The following TOP3A variants were observed in gnomAD, a reference collection of about 807,000 sequenced individuals.
TOP3A encodes the protein DNA topoisomerase III alpha.
TOP3A carries 64 observed loss-of-function variants against 111.3 expected under a neutral mutation model. That is an observed-to-expected ratio of 0.57 (90% CI 0.47 to 0.71). The LOEUF (loss-of-function observed/expected upper bound fraction) is 0.71, where lower values mean the gene tolerates loss of function less well. Ranked by LOEUF, TOP3A falls within the 30% of genes least tolerant of loss-of-function variation. TOP3A has a pLI of 0.00. For synonymous variants in TOP3A, 484 were observed against 485.1 expected, an observed-to-expected ratio of 1.00 and a Z score of 0.03; for missense variants, 1,104 against 1,285.0, an observed-to-expected ratio of 0.86 and a Z score of 2.15.
At chr17:18,306,534 A>ATT (rs575474218) in intron 4 of TOP3A, 95 of 163,762 alleles carry the variant, frequency 5.8e-4, no homozygotes, top group South Asian at 1.4e-3. Flanking sequence ...GCCTGGTTAA[A>ATT]TTTTTTTTTT....
intron 13 of TOP3A, among the ~76,000 whole-genome samples, chr17:18,286,345 TAC>T (rs1456239059): frequency 3.4e-5 from 2 of 58,068 alleles, no homozygotes; most frequent in Admixed American, 3.8e-4. Flanking sequence ...CTACTAAAAA[TAC>T]AAAAAAAAAA....
chr17:18,280,409 G>T, intron 17 of TOP3A, 127 bp downstream of exon 17: 1 of 1,101,490 alleles, frequency 9.1e-7, no homozygotes, highest in Non-Finnish European at 1.3e-6. Flanking sequence ...GGCTGCTGCA[G>T]AACACAGCTA....
Position 18,271,930 on chromosome 17 carries a change from G to A in TOP3A, c.*2872C>T. On this transcript the variant is annotated 3_prime_UTR_variant, in exon 19 of 19. Coordinates refer to ENST00000321105, the MANE Select transcript of TOP3A (RefSeq NM_004618.5). ...ATACTAAACAAATTAGCTGGGTGTGGAGGCAGATGCCTGTAATTCCAGCTA... is the reference window on the plus strand; with the variant it reads ...ATACTAAACAAATTAGCTGGGTGTGAAGGCAGATGCCTGTAATTCCAGCTA... The A allele has an allele frequency of 6.6e-6, 2 of 301,926 alleles. No individual in the cohort carries two copies. The highest frequency in any genetic ancestry group is 4.8e-5 in the South Asian group (2 of 41,448). 18.7% of individuals were successfully genotyped at this position (301,926 alleles called of 1,614,324 possible).
In TOP3A at chr17:18,282,773, G is replaced by A; in HGVS notation, c.1946C>T (p.Pro649Leu). The change falls in exon 16 of 19, where the codon CCA (proline) becomes CTA (leucine). Residue 649 changes from proline to leucine, a missense_variant. Physicochemically the swap from Pro to Leu is moderately conservative, Grantham distance 98. Transcript: ENST00000321105. The part of the protein sequence containing the change: ...TELAQQEDIY[P>L]AMPEPIRKCP... ...CTTCCTGATGGGCTCTGGCATGGCT[G>A]GGTAGATATCTTCTTGCTGGGCCAA... The A allele has an allele frequency of 6.2e-7, 1 of 1,614,194 alleles. No homozygotes were observed. The highest frequency in any genetic ancestry group is 8.5e-7 in the Non-Finnish European group (1 of 1,180,042).
At chr17:18,305,484 A>ACGCGCGCGCGCG (rs780995241) in intron 4 of TOP3A, among the ~76,000 whole-genome samples, 32 of 147,882 alleles carry the variant, frequency 2.2e-4, no homozygotes, top group Non-Finnish European at 4.0e-4. Context: ...TAACACACAC[A>ACGCGCGCGCGCG]CACGCGCGCG....
intron 9 of TOP3A, among the ~76,000 whole-genome samples, chr17:18,299,265 A>G (rs984038015): frequency 6.6e-6 from 1 of 152,136 alleles, no homozygotes; most frequent in African/African-American, 2.4e-5. Context: ...ATCTCTACCA[A>G]AAAATTTTAA....
intron 18 of TOP3A, among the ~76,000 whole-genome samples, chr17:18,276,060 T>C (rs1258129522): frequency 6.6e-6 from 1 of 152,220 alleles, no homozygotes; most frequent in Non-Finnish European, 1.5e-5. Context: ...CTGCCTTATG[T>C]TACCTGACAC....
intron 10 of TOP3A, among the ~76,000 whole-genome samples, chr17:18,293,396 C>A (rs1387775270): frequency 6.6e-6 from 1 of 151,132 alleles, no homozygotes; most frequent in African/African-American, 2.4e-5. Context: ...AGTGATCCTC[C>A]TGCCTCAGCC....
Position 18,305,152 on chromosome 17 carries a change from G to C in TOP3A, c.459C>G (p.Gly153=). ...LVIWTDCDRE[G]ENIGFEIIHV... Reference sequence around the variant, plus strand: ...GGATAATCTCAAACCCGATGTTTTCGCCTTCTCTATCACAGTCAGTCCAGA... The same window carrying C: ...GGATAATCTCAAACCCGATGTTTTCCCCTTCTCTATCACAGTCAGTCCAGA... Residue 153 remains glycine, a synonymous_variant, in exon 5 of 19, where the codon GGC becomes GGG. Transcript: ENST00000321105. 3 of 1,614,082 alleles carry C rather than the reference G, an allele frequency of 1.9e-6. No homozygotes were observed. In the South Asian group the frequency reaches 3.3e-5, roughly 18 times the overall value.
rs777296235 is a variant in TOP3A at position 18,280,543 on chromosome 17, C to T, written c.2137G>A (p.Val713Met). Reference sequence around the variant, plus strand: ...CTCAGGTGCCCAGCTCACCTGTACACAGGGTGTGGCTGACAAACTGGACAC... The same window carrying T: ...CTCAGGTGCCCAGCTCACCTGTACATAGGGTGTGGCTGACAAACTGGACAC... The part of the protein sequence containing the change: ...SVCPVCQPHP[V>M]YRLKLKFKRG... Residue 713 changes from valine (V) to methionine (M), a missense_variant, in exon 17 of 19, where the codon GTG becomes ATG. By Grantham distance (21) the Val-to-Met change is conservative. Transcript: ENST00000321105. The T allele has an allele frequency of 6.2e-7, 1 of 1,613,524 alleles. No individual in the cohort carries two copies. The highest frequency in any genetic ancestry group is 1.7e-5 in the Admixed American group (1 of 59,982).
intron 1 of TOP3A, among the ~76,000 whole-genome samples, chr17:18,310,836 G>A (rs1373593807): frequency 6.6e-6 from 1 of 152,054 alleles, no homozygotes; most frequent in Admixed American, 6.6e-5. Flanking sequence ...CTCAACTGCT[G>A]CTCTTGCTTA....
rs1980688927 is a variant in TOP3A, at chr17:18,294,743, T to C, written c.1033A>G (p.Lys345Glu). 1.9e-6 allele frequency: 3 copies of C among 1,613,368 alleles called. No individual in the cohort carries two copies. The highest frequency in any genetic ancestry group is 2.2e-5 in the South Asian group (2 of 91,042). ...LASRKLRINA[K>E]ETMRIAEKLY... ...TTCTCAGCAATCCTCATGGTTTCTT[T>C]AGCATTTATTCTCAACTTTCGAGAA... Residue 345 changes from lysine to glutamate, a missense_variant, in exon 10 of 19, where the codon AAA becomes GAA. Lys to Glu is a moderately conservative substitution (Grantham distance 56). Transcript: ENST00000321105.
At position 18,290,624 on chromosome 17, in the gene TOP3A, C is replaced by CCCGT; in HGVS notation, c.1526_1529dup (p.Glu511ArgfsTer64). 6.2e-7 allele frequency: 1 copy of CCCGT among 1,611,782 alleles called. No homozygotes were observed. The highest frequency in any genetic ancestry group is 8.5e-7 in the Non-Finnish European group (1 of 1,178,550). ...TGAGCAGCTTGGGTGGGCTGGTCTC[C>CCCGT]CCGTCCACCATCTCCACGGTGCTGG... On this transcript the variant is annotated frameshift_variant, in exon 13 of 19. Transcript: ENST00000321105. LOFTEE classifies it high-confidence loss of function.
chr17:18,285,014 T>C (rs1979997244), intron 15 of TOP3A, 128 bp downstream of exon 15: 2 of 1,092,020 alleles, frequency 1.8e-6, no homozygotes, highest in South Asian at 2.9e-5. Context: ...CTGGCCCAGA[T>C]GCGGTGGCTC....
At position 18,305,273 on chromosome 17, in the gene TOP3A, C is replaced by T. The variant is rs926382565; in HGVS notation, c.391-53G>A. The T allele has an allele frequency of 5.0e-6, 7 of 1,410,434 alleles. No individual in the cohort carries two copies. The East Asian group carries it at 1.6e-4, about 32-fold the overall frequency. The allele number at this position is 1,410,434 out of a possible 1,614,324, so 87.4% of individuals were successfully genotyped here. On this transcript the variant is annotated intron_variant, in intron 4 of 18. Coordinates refer to ENST00000321105, the MANE Select transcript of TOP3A (RefSeq NM_004618.5). ...TGAGAACAGAATTGCACAACAGTGA[C>T]TTGACATCTCTAAGCTAAGGGGATC...
chr17:18,309,473 T>C (rs1321715684), intron 1 of TOP3A, among the ~76,000 whole-genome samples: 1 of 151,948 alleles, frequency 6.6e-6, no homozygotes, highest in Non-Finnish European at 1.5e-5. Flanking sequence ...TGAAACCCCA[T>C]CTCTACTAAA....
intron 1 of TOP3A, chr17:18,311,839 G>A (rs1981928865): frequency 6.6e-6 from 1 of 152,242 alleles, no homozygotes. Flanking sequence ...GGGGGAACAG[G>A]TGGTGAGGGA....
chr17:18,285,160 G>A lies in TOP3A; in HGVS notation c.1859C>T (p.Ala620Val), dbSNP rs750514439. The A allele has an allele frequency of 9.3e-6, 15 of 1,613,962 alleles. No homozygotes were observed. Among genetic ancestry groups the A allele is most frequent in the Middle Eastern group, 3.3e-4 (2 of 6,062 alleles). ...VQKYKQVFIE[A>V]VAKAKKLDEA... ...GACTTACTTCTTTGCTTTAGCCACC[G>A]CTTCAATGAAAACCTGCTTGTATTT... Residue 620 changes from alanine to valine, a missense_variant, in exon 15 of 19, where the codon GCG becomes GTG. Coordinates refer to ENST00000321105, the MANE Select transcript of TOP3A (RefSeq NM_004618.5).
intron 9 of TOP3A, among the ~76,000 whole-genome samples, chr17:18,298,806 A>C (rs1204494996): frequency 6.6e-6 from 1 of 151,890 alleles, no homozygotes. Context: ...GGGTTGAATG[A>C]ATTAAGGGCA....
Sources: allele counts gnomAD v4.1 joint callset (sites outside exome capture counted in the v4.1 genomes callset), GRCh38; gene constraint gnomAD v4.1.1; transcripts MANE v1.5; gene names NCBI Gene and HGNC (gene_info 2026-07-23, HGNC 2026-07-21).